MCUR1: variants seen among roughly 807,000 people sequenced by gnomAD.
MCUR1 encodes the protein mitochondrial calcium uniporter regulator 1.
A neutral mutation model predicts 42.0 loss-of-function variants in MCUR1; 37 were observed. That is an observed-to-expected ratio of 0.88 (90% CI 0.68 to 1.16). The LOEUF (loss-of-function observed/expected upper bound fraction) is 1.16, where lower values mean the gene tolerates loss of function less well. Ranked by LOEUF, MCUR1 falls within the 50% of genes most tolerant of loss-of-function variation. The pLI, the probability that MCUR1 is intolerant of heterozygous loss-of-function variation, is 0.00. For missense variants in MCUR1, 469 were observed against 468.4 expected (o/e 1.00, Z -0.01); for synonymous variants, 229 against 196.2 (o/e 1.17, Z -1.40).
intron 1 of MCUR1, among the ~76,000 whole-genome samples, chr6:13,813,055 C>T (rs963559980): frequency 3.3e-5 from 5 of 152,088 alleles, no homozygotes; most frequent in African/African-American, 1.2e-4. Flanking sequence ...GCGCAAATAC[C>T]ATTGTGTTCA....
chr6:13,802,239 TA>T lies in MCUR1; in HGVS notation c.639+3del, dbSNP rs1561733295. The T allele has an allele frequency of 6.2e-7, 1 of 1,613,184 alleles. No individual in the cohort carries two copies. The highest frequency in any genetic ancestry group is 8.5e-7 in the Non-Finnish European group (1 of 1,179,276). On this transcript the variant is annotated splice_donor_region_variant and intron_variant, in intron 3 of 8. Transcript: ENST00000379170. ...AATTTGCTAAACCACCCAACAAGGC[TA>T]ACCTGCTGCATCTTGGTGACCATAT... is the stretch of plus-strand genomic sequence containing the variant.
At chr6:13,801,703 A>G (rs1759993707) in intron 3 of MCUR1, among the ~76,000 whole-genome samples, 1 of 152,142 alleles carries the variant, frequency 6.6e-6, no homozygotes, top group South Asian at 2.1e-4. Context: ...TACAAAAATT[A>G]GCCAGCTGTA....
intron 6 of MCUR1, among the ~76,000 whole-genome samples, chr6:13,797,897 T>C (rs984935206): frequency 2.1e-5 from 3 of 144,120 alleles, no homozygotes; most frequent in African/African-American, 7.7e-5. Context: ...GGTGGTGGCG[T>C]CTGTAATCCC....
chr6:13,798,807 A>T (rs1186661351), intron 6 of MCUR1, 26 bp downstream of exon 6: 2 of 1,566,350 alleles, frequency 1.3e-6, no homozygotes, highest in Non-Finnish European at 1.8e-6. Flanking sequence ...ATTAATTCAT[A>T]ATGTGTTTTT....
chr6:13,792,194 C>A (rs1759746105), intron 7 of MCUR1, among the ~76,000 whole-genome samples: 1 of 152,138 alleles, frequency 6.6e-6, no homozygotes. Flanking sequence ...TAGTTTTCTT[C>A]TATTTGAAAA....
chr6:13,803,774 T>C, intron 2 of MCUR1: 1 of 985,452 alleles, frequency 1.0e-6, no homozygotes, highest in South Asian at 4.7e-5. Context: ...TTCTTTTTTC[T>C]CGTCTGTCTT....
intron 4 of MCUR1, among the ~76,000 whole-genome samples, 187 bp from the exon 5 acceptor site, chr6:13,800,569 T>C (rs141180891): frequency 1.2e-4 from 18 of 152,372 alleles, no homozygotes; most frequent in African/African-American, 4.3e-4. Context: ...TTGAAGGCTA[T>C]GTAAAGTTAA....
chr6:13,808,161 C>G (rs1303609634), intron 1 of MCUR1, among the ~76,000 whole-genome samples: 1 of 152,150 alleles, frequency 6.6e-6, no homozygotes, highest in Non-Finnish European at 1.5e-5. Flanking sequence ...GCTGTTCTGC[C>G]TTCTGCCATG....
In MCUR1 at chr6:13,814,461, T is replaced by A; in HGVS notation, c.-32A>T. On this transcript the variant is annotated 5_prime_UTR_variant, in exon 1 of 9. Transcript: ENST00000379170. ...GCAGTTCACTGGCCCGGGCGCGCGC[T>A]CATGCCTCTCGCTTTTGGCGCCGGC... is the stretch of plus-strand genomic sequence containing the variant. 6.8e-7 allele frequency: 1 copy of A among 1,459,902 alleles called. No individual in the cohort carries two copies. Among genetic ancestry groups the A allele is most frequent in the Non-Finnish European group, 9.0e-7 (1 of 1,116,028 alleles). The allele number at this position is 1,459,902 out of a possible 1,614,324, so 90.4% of individuals were successfully genotyped here.
chr6:13,802,353 A>G lies in MCUR1; in HGVS notation c.536-7T>C, dbSNP rs777437605. ...GCTTGTTGAGTAGCAAACCCTAAGC[A>G]AGCACACAAGCAAAAAAAATCATGC... On this transcript the variant is annotated splice_region_variant and splice_polypyrimidine_tract_variant and intron_variant, in intron 2 of 8. Transcript: ENST00000379170. 6.2e-7 allele frequency: 1 copy of G among 1,609,232 alleles called. No individual in the cohort carries two copies. The highest frequency in any genetic ancestry group is 8.5e-7 in the Non-Finnish European group (1 of 1,176,294).
At chr6:13,801,480 C>T in intron 3 of MCUR1, 91 bp from the exon 4 acceptor site, 1 of 863,878 alleles carries the variant, frequency 1.2e-6, no homozygotes, top group Non-Finnish European at 1.9e-6. Context: ...ATTGAGAAAC[C>T]AGGACAATGT....
chr6:13,813,893 G>T, intron 1 of MCUR1, 122 bp downstream of exon 1: 2 of 1,060,708 alleles, frequency 1.9e-6, no homozygotes, highest in Non-Finnish European at 2.4e-6. Flanking sequence ...GATGCCGGTG[G>T]CCTTGGAGGA....
intron 6 of MCUR1, 26 bp downstream of exon 6, chr6:13,798,804 CATA>C: frequency 6.4e-7 from 1 of 1,558,088 alleles, no homozygotes. Flanking sequence ...TAAATTAATT[CATA>C]ATGTGTTTTT....
chr6:13,793,079 T>C (rs1294114303), intron 7 of MCUR1, among the ~76,000 whole-genome samples: 1 of 142,258 alleles, frequency 7.0e-6, no homozygotes, highest in Non-Finnish European at 1.5e-5. Context: ...TGAGCTGAGA[T>C]TGAGCCACTG....
intron 6 of MCUR1, among the ~76,000 whole-genome samples, chr6:13,796,291 C>CT (rs369077522): frequency 0.15 from 21,485 of 139,146 alleles, 2,962 homozygotes; most frequent in African/African-American, 0.37. Context: ...TTTTTCTTTT[C>CT]TTTTTTTTTT....
chr6:13,807,083 T>TG, intron 1 of MCUR1, 39 bp from the exon 2 acceptor site: 1 of 1,559,364 alleles, frequency 6.4e-7, no homozygotes, highest in Non-Finnish European at 8.7e-7. Context: ...ACAGACTTCA[T>TG]GCAAAACAAA....
intron 6 of MCUR1, among the ~76,000 whole-genome samples, chr6:13,797,542 A>T (rs1759884081): frequency 6.6e-6 from 1 of 151,170 alleles, no homozygotes; most frequent in African/African-American, 2.4e-5. Context: ...CCCCGTCTCT[A>T]CTAAAAATAC....
chr6:13,800,803 G>A (rs12662608), intron 4 of MCUR1, among the ~76,000 whole-genome samples: 7,415 of 152,120 alleles, frequency 0.049, 339 homozygotes, highest in East Asian at 0.24. Context: ...AAATAGGACC[G>A]AAAATAAAAG....
rs534986454 is a variant in MCUR1 at position 13,802,150 on chromosome 6, G to A, written c.639+93C>T. 255 of 898,610 alleles carry A rather than the reference G, an allele frequency of 2.8e-4. 2 individuals are homozygous for A. Among genetic ancestry groups the A allele is most frequent in the African/African-American group, 2.6e-3 (156 of 59,114 alleles). The allele number at this position is 898,610 out of a possible 1,614,324, so 55.7% of individuals were successfully genotyped here. A position where few individuals can be genotyped will look rare whatever the true frequency, so the allele number is the denominator to read the frequency against. ...TAAAAGTTACTATATACTTTTCAAC[G>A]GGGTATTATCCAAAAAATTATATTA... is the stretch of plus-strand genomic sequence containing the variant. On this transcript the variant is annotated intron_variant, in intron 3 of 8. Coordinates refer to ENST00000379170, the MANE Select transcript of MCUR1 (RefSeq NM_001031713.4).
Sources: allele counts gnomAD v4.1 joint callset (sites outside exome capture counted in the v4.1 genomes callset), GRCh38; gene constraint gnomAD v4.1.1; transcripts MANE v1.5; gene names NCBI Gene and HGNC (gene_info 2026-07-23, HGNC 2026-07-21).